Variants in ENY2 observed in about 807,000 individuals in gnomAD.
The protein encoded by ENY2 is ENY2 transcription and export complex 2 subunit, also known as transcription and mRNA export factor ENY2.
ENY2 carries 4 observed loss-of-function variants against 15.9 expected under a neutral mutation model. The ratio of observed to expected loss-of-function variants is 0.25; its 90% CI spans 0.12 to 0.57. The LOEUF (loss-of-function observed/expected upper bound fraction) is 0.57, where lower values mean the gene tolerates loss of function less well. ENY2 is among the 20% of genes least tolerant of loss of function. The probability of loss-of-function intolerance (pLI) is 0.91; values close to 1 mark genes in which losing one functional copy is unlikely to be tolerated. For synonymous variants in ENY2, 48 were observed against 38.0 expected (o/e 1.26, Z -0.97); for missense variants, 54 against 117.2 (o/e 0.46, Z 2.49).
intron 2 of ENY2, chr8:109,336,572 T>C (rs1430794571): frequency 5.8e-6 from 1 of 172,790 alleles, no homozygotes; most frequent in Non-Finnish European, 1.2e-5. Flanking sequence ...CTGTTTCCAC[T>C]CTCTAAAACA....
chr8:109,340,305 CTT>C, intron 3 of ENY2, 182 bp from the exon 4 acceptor site: 3 of 773,766 alleles, frequency 3.9e-6, no homozygotes, highest in Non-Finnish European at 5.9e-6. Context: ...TTACGAACAA[CTT>C]TTATCTTTTA....
chr8:109,340,460 A>T, intron 3 of ENY2, 29 bp from the exon 4 acceptor site: 1 of 1,609,670 alleles, frequency 6.2e-7, no homozygotes, highest in Non-Finnish European at 8.5e-7. Context: ...ATTTTAAATG[A>T]TATGATTTGT....
intron 3 of ENY2, chr8:109,340,251 TGTAA>T (rs1816084571): frequency 2.0e-6 from 1 of 488,212 alleles, no homozygotes; most frequent in Non-Finnish European, 3.6e-6. Context: ...CTAAATTTAT[TGTAA>T]GTGTCACAAT....
intron 2 of ENY2, chr8:109,339,045 G>C (rs1453086668): frequency 2.1e-6 from 1 of 467,268 alleles, no homozygotes; most frequent in African/African-American, 2.0e-5. Flanking sequence ...TATATAACGT[G>C]GCCAAATAAT....
intron 4 of ENY2, 82 bp downstream of exon 4, chr8:109,340,645 C>T: frequency 3.2e-6 from 5 of 1,562,828 alleles, no homozygotes; most frequent in Non-Finnish European, 4.3e-6. Context: ...GATTTTCTTT[C>T]TGTTTTTAAG....
intron 4 of ENY2, among the ~76,000 whole-genome samples, chr8:109,342,164 C>CTTTTTTTTTTTTTTTTTTTT (rs66571830): frequency 7.6e-6 from 1 of 130,964 alleles, no homozygotes; most frequent in Non-Finnish European, 1.7e-5. Context: ...TAACCCCCCC[C>CTTTTTTTTTTTTTTTTTTTT]TTTTTTTTTT....
At chr8:109,335,067 G>A (rs1815931653) in intron 1 of ENY2, 1 of 152,232 alleles carries the variant, frequency 6.6e-6, no homozygotes, top group Non-Finnish European at 1.5e-5. Flanking sequence ...GTTAGTTTAC[G>A]CCAAGTTTTA....
chr8:109,336,055 A>G, intron 1 of ENY2, 73 bp from the exon 2 acceptor site: 4 of 1,364,806 alleles, frequency 2.9e-6, no homozygotes, highest in Non-Finnish European at 4.1e-6. Context: ...ACATGTTAGG[A>G]TGCCTGCCTA....
At position 109,345,374 on chromosome 8, in the gene ENY2, G is replaced by A. The variant is rs929878815; in HGVS notation, c.*1893G>A. Reference sequence around the variant, plus strand: ...GAAAAGGTATAAATTGGGTATAGTTGAGAAAAGGATTCAAATTGATCTTTG... The same window carrying A: ...GAAAAGGTATAAATTGGGTATAGTTAAGAAAAGGATTCAAATTGATCTTTG... On this transcript the variant is annotated 3_prime_UTR_variant, in exon 5 of 5. Transcript: ENST00000521688. 1.3e-5 allele frequency: 2 copies of A among 152,150 alleles called. No homozygotes were observed. Among genetic ancestry groups the A allele is most frequent in the African/African-American group, 4.8e-5 (2 of 41,432 alleles). 9.4% of individuals were successfully genotyped at this position (152,150 alleles called of 1,614,324 possible). A position where few individuals can be genotyped will look rare whatever the true frequency, so the allele number is the denominator to read the frequency against.
At chr8:109,341,808 C>T (rs1284398784) in intron 4 of ENY2, among the ~76,000 whole-genome samples, 2 of 152,160 alleles carry the variant, frequency 1.3e-5, no homozygotes, top group South Asian at 2.1e-4. Flanking sequence ...TGTATAGGTT[C>T]GTGTAGCTAC....
chr8:109,339,248 A>T (rs1397954983), intron 2 of ENY2, 72 bp from the exon 3 acceptor site: 15 of 1,438,798 alleles, frequency 1.0e-5, no homozygotes, highest in Non-Finnish European at 1.5e-5. Flanking sequence ...TTGAACACTG[A>T]AACTTTGCTT....
At position 109,343,409 on chromosome 8, in the gene ENY2, G is replaced by T; in HGVS notation, c.234G>T (p.Leu78=). ...TTTTTTATTTTTGTTTTTCAGCCCT[G>T]GTACCTGACAGTGTAAAGAAGGAGC... ...VAEITPKGRA[L]VPDSVKKELL... is the part of the protein sequence containing the mutation. The change falls in exon 5 of 5, where the codon CTG becomes CTT. Residue 78 remains leucine, a synonymous_variant. Coordinates refer to ENST00000521688, the MANE Select transcript of ENY2 (RefSeq NM_020189.6). 1.2e-6 allele frequency: 2 copies of T among 1,604,880 alleles called. No homozygotes were observed. Among genetic ancestry groups the T allele is most frequent in the African/African-American group, 1.3e-5 (1 of 74,424 alleles).
chr8:109,340,781 A>G (rs1816094506), intron 4 of ENY2: 1 of 483,878 alleles, frequency 2.1e-6, no homozygotes. Flanking sequence ...CAGTGCACCA[A>G]TGCAAGTTGA....
rs375963058 is a variant in ENY2, at chr8:109,340,582, G to C, written c.229+19G>C. On this transcript the variant is annotated intron_variant, in intron 4 of 4. Coordinates refer to ENST00000521688, the MANE Select transcript of ENY2 (RefSeq NM_020189.6). ...GGCAGAGGTAAGGAATACAGAGTTT[G>C]TTAAAGGAAACATGCTGCAGACATG... 52 of 1,611,974 alleles carry C rather than the reference G, an allele frequency of 3.2e-5. No individual in the cohort carries two copies. Among genetic ancestry groups the C allele is most frequent in the Non-Finnish European group, 3.9e-5 (46 of 1,179,080 alleles).
chr8:109,344,884 A>G lies in ENY2; in HGVS notation c.*1403A>G, dbSNP rs1563694246. ...CAATATCTATTCCACACTGTTGCCT[A>G]AGTGGCCTTAGTAAAATTCAAGTCT... On this transcript the variant is annotated 3_prime_UTR_variant, in exon 5 of 5. Coordinates refer to ENST00000521688, the MANE Select transcript of ENY2 (RefSeq NM_020189.6). The G allele has an allele frequency of 6.6e-6, 1 of 152,196 alleles. No individual in the cohort carries two copies. The highest frequency in any genetic ancestry group is 1.5e-5 in the Non-Finnish European group (1 of 68,026). The allele number at this position is 152,196 out of a possible 1,614,324, so 9.4% of individuals were successfully genotyped here.
In ENY2 at chr8:109,334,368, A is replaced by G. The variant is rs1815902042; in HGVS notation, c.-101A>G. On this transcript the variant is annotated 5_prime_UTR_variant, in exon 1 of 5. Transcript: ENST00000521688. The stretch of plus-strand genomic sequence containing the variant: ...TTCTGTGTGCTTAGGTGCCCGAGCT[A>G]CTGAGGGTCTAAGTCCGGGCAGCCG... 5.8e-6 allele frequency: 9 copies of G among 1,548,312 alleles called. No homozygotes were observed. The Admixed American group carries it at 1.2e-4, about 21-fold the overall frequency.
At chr8:109,342,802 C>G (rs1015898558) in intron 4 of ENY2, 1 of 669,512 alleles carries the variant, frequency 1.5e-6, no homozygotes, top group Non-Finnish European at 2.7e-6. Context: ...TCGTACCCAG[C>G]CAACACAGTA....
chr8:109,341,288 A>C (rs907928848), intron 4 of ENY2, among the ~76,000 whole-genome samples: 2 of 152,184 alleles, frequency 1.3e-5, no homozygotes, highest in African/African-American at 4.8e-5. Context: ...AAAGAATTTA[A>C]GTGTAAAAAG....
At chr8:109,337,539 G>A (rs1361629974) in intron 2 of ENY2, among the ~76,000 whole-genome samples, 1 of 152,120 alleles carries the variant, frequency 6.6e-6, no homozygotes, top group Admixed American at 6.5e-5. Context: ...GTCAGATGGT[G>A]ATGAGCACTA....
Sources: allele counts gnomAD v4.1 joint callset (sites outside exome capture counted in the v4.1 genomes callset), GRCh38; gene constraint gnomAD v4.1.1; transcripts MANE v1.5; gene names NCBI Gene and HGNC (gene_info 2026-07-23, HGNC 2026-07-21).